FBXW4: variants seen among roughly 807,000 people sequenced by gnomAD.
FBXW4 encodes F-box/WD repeat-containing protein 4.
FBXW4 carries 40 observed loss-of-function variants against 61.8 expected under a neutral mutation model. The observed-to-expected ratio is 0.65, with a 90% CI of 0.50 to 0.84. FBXW4 has a LOEUF of 0.84. FBXW4 is among the 40% of genes least tolerant of loss of function. The probability of loss-of-function intolerance (pLI) is 0.00; values close to 1 mark genes in which losing one functional copy is unlikely to be tolerated. For synonymous variants in FBXW4, 311 were observed against 313.8 expected, an observed-to-expected ratio of 0.99 and a Z score of 0.10; for missense variants, 672 against 753.8, an observed-to-expected ratio of 0.89 and a Z score of 1.27.
At chr10:101,664,962 G>A (rs1187786622) in intron 5 of FBXW4, among the ~76,000 whole-genome samples, 1 of 152,164 alleles carries the variant, frequency 6.6e-6, no homozygotes, top group Non-Finnish European at 1.5e-5. Flanking sequence ...TGACGAAACT[G>A]AGGCTGGGAG....
At chr10:101,669,997 C>T (rs3925644) in intron 4 of FBXW4, among the ~76,000 whole-genome samples, 147,524 of 152,078 alleles carry the variant, frequency 0.97, 71,720 homozygotes, top group East Asian at 1. Context: ...CCTCATGATC[C>T]ACCCGCCTCA....
intron 6 of FBXW4, among the ~76,000 whole-genome samples, chr10:101,614,823 AC>A (rs1033570785): frequency 6.6e-6 from 1 of 152,116 alleles, no homozygotes; most frequent in African/African-American, 2.4e-5. Flanking sequence ...TCTAATAGCA[AC>A]CCAGCAGTGC....
At chr10:101,628,522 G>A (rs1385352231) in intron 5 of FBXW4, among the ~76,000 whole-genome samples, 3 of 152,192 alleles carry the variant, frequency 2.0e-5, no homozygotes, top group Non-Finnish European at 2.9e-5. Flanking sequence ...TTGTGGAACT[G>A]AACTAAGAGG....
At chr10:101,642,484 C>A (rs958478179) in intron 5 of FBXW4, among the ~76,000 whole-genome samples, 2 of 152,014 alleles carry the variant, frequency 1.3e-5, no homozygotes, top group Non-Finnish European at 1.5e-5. Context: ...GCAGAGCCTG[C>A]CACAGTGAGC....
chr10:101,676,481 C>G, intron 1 of FBXW4, 45 bp from the exon 2 acceptor site: 1 of 1,514,618 alleles, frequency 6.6e-7, no homozygotes, highest in Non-Finnish European at 9.1e-7. Context: ...CAACTTATTG[C>G]CAACCACAGA....
At chr10:101,692,038 G>GT (rs2064609656) in intron 1 of FBXW4, among the ~76,000 whole-genome samples, 1 of 151,804 alleles carries the variant, frequency 6.6e-6, no homozygotes, top group Non-Finnish European at 1.5e-5. Context: ...CAACAGATAT[G>GT]TAAGAACTTT....
rs1240905296 is a variant in FBXW4 at position 101,610,893 on chromosome 10, A to G, written c.*398T>C. The G allele has an allele frequency of 6.4e-6, 1 of 156,324 alleles. No homozygotes were observed. The highest frequency in any genetic ancestry group is 1.4e-5 in the Non-Finnish European group (1 of 70,792). The allele number at this position is 156,324 out of a possible 1,614,324, so 9.7% of individuals were successfully genotyped here. On this transcript the variant is annotated 3_prime_UTR_variant, in exon 9 of 9. Coordinates refer to ENST00000331272, the MANE Select transcript of FBXW4 (RefSeq NM_022039.4). ...GTGCCAGGAGGCTATTGGCAGCCTC[A>G]CCTTTCCTTCCAGGAAGGGGCAGAA...
At chr10:101,682,745 G>A (rs577873699) in intron 1 of FBXW4, among the ~76,000 whole-genome samples, 1 of 151,874 alleles carries the variant, frequency 6.6e-6, no homozygotes, top group African/African-American at 2.4e-5. Flanking sequence ...TTGAACTTTA[G>A]AAGCTGCTAC....
chr10:101,641,035 T>C (rs1192486579), intron 5 of FBXW4, among the ~76,000 whole-genome samples: 1 of 151,442 alleles, frequency 6.6e-6, no homozygotes, highest in Non-Finnish European at 1.5e-5. Flanking sequence ...TTCACCATGT[T>C]GGCCAGGCTG....
At chr10:101,686,520 T>C (rs1468581011) in intron 1 of FBXW4, among the ~76,000 whole-genome samples, 4 of 151,104 alleles carry the variant, frequency 2.6e-5, no homozygotes, top group Non-Finnish European at 5.9e-5. Context: ...CAGGCCTTCC[T>C]CTAAGTGAGT....
chr10:101,611,443 T>G lies in FBXW4; in HGVS notation c.1585-33A>C, dbSNP rs2063783232. 3.1e-6 allele frequency: 5 copies of G among 1,605,002 alleles called. No homozygotes were observed. Among genetic ancestry groups the G allele is most frequent in the Admixed American group, 3.4e-5 (2 of 59,314 alleles). On this transcript the variant is annotated intron_variant, in intron 8 of 8. Transcript: ENST00000331272. The surrounding 1 kb of genome is among the most constrained non-coding windows in gnomAD (Gnocchi z 4.9). Reference sequence around the variant, plus strand: ...GGAGGGCACAGGAAGTGGTAAGAGCTTTCCAAGTGGGACATGGGTGTGCCC... The same window carrying G: ...GGAGGGCACAGGAAGTGGTAAGAGCGTTCCAAGTGGGACATGGGTGTGCCC...
intron 4 of FBXW4, among the ~76,000 whole-genome samples, chr10:101,668,861 A>T (rs1450870091): frequency 1.3e-5 from 2 of 152,188 alleles, no homozygotes; most frequent in Non-Finnish European, 2.9e-5. Flanking sequence ...GAAATCTCAG[A>T]CGTACAGGAC....
At chr10:101,652,867 T>C (rs7072170) in intron 5 of FBXW4, among the ~76,000 whole-genome samples, 151,797 of 152,310 alleles carry the variant, frequency 1, 75,646 homozygotes, top group East Asian at 1. Context: ...TAGTTTTCCT[T>C]CTGCCTCTGA....
chr10:101,662,683 T>C (rs929454270), intron 5 of FBXW4, among the ~76,000 whole-genome samples: 1 of 152,160 alleles, frequency 6.6e-6, no homozygotes, highest in African/African-American at 2.4e-5. Context: ...ACCTTTTTTT[T>C]CTTGGAGGGC....
Position 101,611,097 on chromosome 10 carries a change from G to A in FBXW4, c.*194C>T. ...GTCCTGCCTCTCCAACAGGTTCCTGGGAGGGACTGCATCTCTGGTAAGCTC... is the reference window on the plus strand; with the variant it reads ...GTCCTGCCTCTCCAACAGGTTCCTGAGAGGGACTGCATCTCTGGTAAGCTC... On this transcript the variant is annotated 3_prime_UTR_variant, in exon 9 of 9. Coordinates refer to ENST00000331272, the MANE Select transcript of FBXW4 (RefSeq NM_022039.4). The surrounding 1 kb of genome is among the most constrained non-coding windows in gnomAD (Gnocchi z 4.9). The A allele has an allele frequency of 1.6e-6, 1 of 631,170 alleles. No individual in the cohort carries two copies. The highest frequency in any genetic ancestry group is 2.6e-6 in the Non-Finnish European group (1 of 381,646). The allele number at this position is 631,170 out of a possible 1,614,324, so 39.1% of individuals were successfully genotyped here.
intron 1 of FBXW4, among the ~76,000 whole-genome samples, chr10:101,679,888 C>G (rs536091264): frequency 3.9e-5 from 6 of 152,074 alleles, no homozygotes; most frequent in East Asian, 1.9e-4. Flanking sequence ...CTTACCCCCC[C>G]ACCTTCCTCC....
At chr10:101,638,671 C>A (rs763172317) in intron 5 of FBXW4, among the ~76,000 whole-genome samples, 1 of 152,112 alleles carries the variant, frequency 6.6e-6, no homozygotes, top group Non-Finnish European at 1.5e-5. Context: ...AATCAAAATA[C>A]TCATTTTGAA....
chr10:101,631,775 A>G (rs973636459), intron 5 of FBXW4, among the ~76,000 whole-genome samples: 1 of 152,060 alleles, frequency 6.6e-6, no homozygotes, highest in South Asian at 2.1e-4. Flanking sequence ...ATATAGGCGC[A>G]TGCCACCACG....
intron 6 of FBXW4, among the ~76,000 whole-genome samples, chr10:101,622,703 G>A (rs2063876582): frequency 6.8e-6 from 1 of 146,522 alleles, no homozygotes; most frequent in African/African-American, 2.5e-5. Flanking sequence ...ACTCCAGCCT[G>A]GGCGACATAG....
Sources: allele counts gnomAD v4.1 joint callset (sites outside exome capture counted in the v4.1 genomes callset), GRCh38; gene constraint gnomAD v4.1.1; non-coding constraint Gnocchi (gnomAD v3.1); transcripts MANE v1.5; gene names NCBI Gene and HGNC (gene_info 2026-07-23, HGNC 2026-07-21).